The following STX2 variants were observed in gnomAD, a reference collection of about 807,000 sequenced individuals.
STX2 encodes syntaxin 2.
In STX2, 27 loss-of-function variants were observed where a neutral mutation model predicts 40.6. The ratio of observed to expected loss-of-function variants is 0.66; its 90% CI spans 0.49 to 0.92. The LOEUF (loss-of-function observed/expected upper bound fraction) is 0.92, where lower values mean the gene tolerates loss of function less well. Ranked by LOEUF, STX2 falls within the 40% of genes least tolerant of loss-of-function variation. The probability of loss-of-function intolerance (pLI) is 0.00; values close to 1 mark genes in which losing one functional copy is unlikely to be tolerated. For synonymous variants in STX2, 123 were observed against 119.1 expected (o/e 1.03, Z -0.22); for missense variants, 328 against 366.1 (o/e 0.90, Z 0.85).
At chr12:130,833,736 T>A (rs1279377105) in intron 1 of STX2, among the ~76,000 whole-genome samples, 1 of 152,108 alleles carries the variant, frequency 6.6e-6, no homozygotes, top group Non-Finnish European at 1.5e-5. Flanking sequence ...TAAATCTCCC[T>A]TTTCTGCTTT....
chr12:130,819,144 G>A (rs1952015000), intron 3 of STX2, among the ~76,000 whole-genome samples: 1 of 152,176 alleles, frequency 6.6e-6, no homozygotes, highest in African/African-American at 2.4e-5. Context: ...GCTGCCTCTG[G>A]CGCCACCTGG....
At position 130,791,240 on chromosome 12, in the gene STX2, C is replaced by G. The variant is rs568098541; in HGVS notation, c.*783G>C. On this transcript the variant is annotated 3_prime_UTR_variant, in exon 11 of 11. Transcript: ENST00000392373. ...GACCTGAGATCTAAAAGCTTCAGAA[C>G]AGCCTGCCCGGTGACTCACGCCTGT... is the stretch of plus-strand genomic sequence containing the variant. 6.6e-6 allele frequency: 1 copy of G among 152,274 alleles called. No individual in the cohort carries two copies. The highest frequency in any genetic ancestry group is 6.5e-5 in the Admixed American group (1 of 15,280). 9.4% of individuals were successfully genotyped at this position (152,274 alleles called of 1,614,324 possible). A position where few individuals can be genotyped will look rare whatever the true frequency, so the allele number is the denominator to read the frequency against.
At chr12:130,822,117 G>T (rs1161560717) in intron 2 of STX2, among the ~76,000 whole-genome samples, 4 of 152,098 alleles carry the variant, frequency 2.6e-5, no homozygotes, top group African/African-American at 9.7e-5. Context: ...GTATAACCAG[G>T]AAGTAAGCCC....
intron 3 of STX2, among the ~76,000 whole-genome samples, chr12:130,818,215 T>TATATATATATATATATAA (rs1951960591): frequency 8.0e-6 from 1 of 124,886 alleles, no homozygotes; most frequent in Non-Finnish European, 1.6e-5. Flanking sequence ...TATATATATA[T>TATATATATATATATATAA]ATAAAATTAT....
chr12:130,829,875 C>G (rs1393022983), intron 1 of STX2, among the ~76,000 whole-genome samples: 1 of 152,192 alleles, frequency 6.6e-6, no homozygotes, highest in Non-Finnish European at 1.5e-5. Flanking sequence ...GAGCTGCAGA[C>G]GGCCCTTGTG....
At chr12:130,827,740 C>T (rs917441496) in intron 1 of STX2, among the ~76,000 whole-genome samples, 1 of 152,224 alleles carries the variant, frequency 6.6e-6, no homozygotes, top group African/African-American at 2.4e-5. Context: ...ATGGTGAAAA[C>T]CTGTCTCTAC....
chr12:130,801,002 T>C, intron 8 of STX2, 151 bp downstream of exon 8: 1 of 765,478 alleles, frequency 1.3e-6, no homozygotes. Flanking sequence ...CTTCCAGCAT[T>C]TCAGCATCAC....
chr12:130,790,203 T>C lies in STX2; in HGVS notation c.*1820A>G, dbSNP rs942475477. The C allele has an allele frequency of 6.6e-6, 1 of 152,234 alleles. No individual in the cohort carries two copies. Among genetic ancestry groups the C allele is most frequent in the Non-Finnish European group, 1.5e-5 (1 of 68,046 alleles). 9.4% of individuals were successfully genotyped at this position (152,234 alleles called of 1,614,324 possible). A position where few individuals can be genotyped will look rare whatever the true frequency, so the allele number is the denominator to read the frequency against. ...TCAGAGGCAGAATTCCCCTAGTAAC[T>C]GCCACACAGTGACCACCAGCGAGTG... On this transcript the variant is annotated 3_prime_UTR_variant, in exon 11 of 11. Transcript: ENST00000392373.
intron 2 of STX2, among the ~76,000 whole-genome samples, chr12:130,822,873 A>C (rs970145904): frequency 2.0e-5 from 3 of 152,238 alleles, no homozygotes; most frequent in African/African-American, 7.2e-5. Context: ...ATAATGGAAC[A>C]CTACGCATAA....
At chr12:130,792,078 C>A in intron 10 of STX2, 101 bp from the exon 11 acceptor site, 1 of 732,548 alleles carries the variant, frequency 1.4e-6, no homozygotes, top group Admixed American at 2.7e-5. Context: ...TTAAAAAATA[C>A]ATCCATTATC....
At position 130,790,880 on chromosome 12, in the gene STX2, G is replaced by A. The variant is rs1158214196; in HGVS notation, c.*1143C>T. The A allele has an allele frequency of 1.3e-5, 2 of 152,608 alleles. No individual in the cohort carries two copies. Among genetic ancestry groups the A allele is most frequent in the African/African-American group, 2.4e-5 (1 of 41,442 alleles). The allele number at this position is 152,608 out of a possible 1,614,324, so 9.5% of individuals were successfully genotyped here. ...CGGAGCTGAGGCCGAGGCTTTTCTG[G>A]AGGGCACCAGCACATTTAAACTCAC... On this transcript the variant is annotated 3_prime_UTR_variant, in exon 11 of 11. Transcript: ENST00000392373.
At chr12:130,836,828 G>A (rs1952769359) in intron 1 of STX2, among the ~76,000 whole-genome samples, 1 of 152,140 alleles carries the variant, frequency 6.6e-6, no homozygotes, top group Non-Finnish European at 1.5e-5. Context: ...AAACTTCCAC[G>A]GATATACTCT....
At chr12:130,818,185 A>AAAATATATATATATATATATAT in intron 3 of STX2, among the ~76,000 whole-genome samples, 29 of 70,530 alleles carry the variant, frequency 4.1e-4, no homozygotes, top group African/African-American at 4.7e-4. Context: ...AAAAAAAAAA[A>AAAATATATATATATATATATAT]ATATATATAT....
chr12:130,826,281 T>C (rs943322958), intron 2 of STX2, among the ~76,000 whole-genome samples: 1 of 152,228 alleles, frequency 6.6e-6, no homozygotes, highest in African/African-American at 2.4e-5. Flanking sequence ...GCGCCACCTC[T>C]GCTGCCGGAA....
intron 1 of STX2, among the ~76,000 whole-genome samples, chr12:130,832,140 C>T (rs1281948935): frequency 6.6e-6 from 1 of 152,190 alleles, no homozygotes; most frequent in East Asian, 1.9e-4. Context: ...AGCGACTACA[C>T]CCGGCCTGCC....
At chr12:130,798,363 C>A in intron 9 of STX2, 162 bp downstream of exon 9, 1 of 478,404 alleles carries the variant, frequency 2.1e-6, no homozygotes, top group Non-Finnish European at 3.5e-6. Context: ...TCTAATAAAC[C>A]TTTTAAATTT....
intron 4 of STX2, among the ~76,000 whole-genome samples, chr12:130,809,956 C>T (rs10773823): frequency 0.56 from 85,281 of 151,968 alleles, 26,399 homozygotes; most frequent in East Asian, 0.87. Flanking sequence ...GGCTGTAGTG[C>T]GCTATGATCA....
intron 3 of STX2, among the ~76,000 whole-genome samples, chr12:130,817,945 A>G (rs1418698296): frequency 6.6e-6 from 1 of 151,924 alleles, no homozygotes; most frequent in Admixed American, 6.5e-5. Flanking sequence ...GGGTGGTCCC[A>G]GCCTGTGGTG....
intron 1 of STX2, among the ~76,000 whole-genome samples, chr12:130,838,051 C>T (rs1952803557): frequency 6.6e-6 from 1 of 152,196 alleles, no homozygotes; most frequent in Non-Finnish European, 1.5e-5. Context: ...ATTCTAGCAG[C>T]AGAGGAGAGA....
Sources: gnomAD v4.1 joint callset for allele counts (sites outside exome capture counted in the v4.1 genomes callset) on GRCh38, gnomAD v4.1.1 for gene constraint, MANE v1.5 for transcripts, NCBI Gene and HGNC (gene_info 2026-07-23, HGNC 2026-07-21) for gene names.